The following KATNAL2 variants were observed in gnomAD, a reference collection of about 807,000 sequenced individuals.
The protein encoded by KATNAL2 is katanin catalytic subunit A1 like 2.
Under a neutral mutation model 76.3 loss-of-function variants are expected in KATNAL2, and 52 were observed. The observed-to-expected ratio is 0.68, with a 90% CI of 0.55 to 0.86. The LOEUF is 0.86. Ranked by LOEUF, KATNAL2 falls within the 40% of genes least tolerant of loss-of-function variation. The pLI, the probability that KATNAL2 is intolerant of heterozygous loss-of-function variation, is 0.00. For synonymous variants in KATNAL2, 243 were observed against 244.2 expected (o/e 1.00, Z 0.05); for missense variants, 660 against 668.9 (o/e 0.99, Z 0.15).
chr18:46,931,338 T>A (rs892326627), intron 1 of KATNAL2, among the ~76,000 whole-genome samples: 1 of 151,032 alleles, frequency 6.6e-6, no homozygotes, highest in African/African-American at 2.4e-5. Flanking sequence ...AAATAAAAAA[T>A]TTAAAATTAA....
chr18:47,075,335 A>T lies in KATNAL2; in HGVS notation c.1067A>T (p.Glu356Val). The T allele has an allele frequency of 6.4e-7, 1 of 1,557,576 alleles. No individual in the cohort carries two copies. Among genetic ancestry groups the T allele is most frequent in the Non-Finnish European group, 8.6e-7 (1 of 1,156,722 alleles). The change falls in exon 14 of 18, where the codon GAG becomes GTG. Residue 356 changes from glutamate (E) to valine (V), a missense_variant. Physicochemically the swap from Glu to Val is moderately radical, Grantham distance 121 (BLOSUM62 -2). Coordinates refer to ENST00000683218, the MANE Select transcript of KATNAL2 (RefSeq NM_001387690.1). ...TCCACGATCTTCCTGGACGAGCTGGAGTCGGTGATGAGTCAGAGAGGCACA... is the reference window on the plus strand; with the variant it reads ...TCCACGATCTTCCTGGACGAGCTGGTGTCGGTGATGAGTCAGAGAGGCACA... ...APSTIFLDELESVMSQRGTAS... is the reference protein window; with the variant it reads ...APSTIFLDELVSVMSQRGTAS...
Position 46,926,364 on chromosome 18 carries a change from G to C in KATNAL2, c.-510+8438G>C, listed in dbSNP as rs1465580837. Among the ~76,000 whole-genome samples, 9 of 152,090 alleles carry C rather than the reference G, an allele frequency of 5.9e-5. 1 individual carries two copies. Among genetic ancestry groups the C allele is most frequent in the Non-Finnish European group, 1.3e-4 (9 of 68,010 alleles). On this transcript the variant is annotated intron_variant, in intron 1 of 17. Transcript: ENST00000683218. ...TTTACCCAGTAGTCATTCAGGAGCA[G>C]GTTGTTCAGTTTCCTTGTAGTTGAG... is the stretch of plus-strand genomic sequence containing the variant.
intron 15 of KATNAL2, among the ~76,000 whole-genome samples, chr18:47,092,342 T>C (rs1449743680): frequency 1.3e-5 from 2 of 151,842 alleles, no homozygotes; most frequent in African/African-American, 4.8e-5. Context: ...CTACCAAAAA[T>C]ACAAAAAATA....
rs1311396448 is a variant in KATNAL2, at chr18:47,034,590, C to T, written c.52-11867C>T. On this transcript the variant is annotated intron_variant, in intron 3 of 17. Transcript: ENST00000683218. Reference sequence around the variant, plus strand: ...TTTCCTGGCGAGACGATTTGTGCCCCTTGCTGTGGCTCACAACGGCTTTCC... The same window carrying T: ...TTTCCTGGCGAGACGATTTGTGCCCTTTGCTGTGGCTCACAACGGCTTTCC... 2.5e-6 allele frequency: 4 copies of T among 1,614,188 alleles called. No individual in the cohort carries two copies. In the Admixed American group the frequency reaches 5.0e-5, roughly 20 times the overall value.
At chr18:47,068,032 G>A (rs757507060) in intron 11 of KATNAL2, among the ~76,000 whole-genome samples, 1 of 152,168 alleles carries the variant, frequency 6.6e-6, no homozygotes, top group Non-Finnish European at 1.5e-5. Context: ...CCAGAAAGAG[G>A]CAAGAAAGGG....
intron 15 of KATNAL2, among the ~76,000 whole-genome samples, chr18:47,092,575 T>G (rs1014966995): frequency 1.3e-5 from 2 of 152,164 alleles, no homozygotes; most frequent in Non-Finnish European, 2.9e-5. Flanking sequence ...TATAATTCAG[T>G]CACAACTGTT....
intron 1 of KATNAL2, among the ~76,000 whole-genome samples, chr18:46,930,113 T>C (rs2058859973): frequency 6.6e-6 from 1 of 152,164 alleles, no homozygotes; most frequent in Admixed American, 6.5e-5. Flanking sequence ...TATACAACTT[T>C]TCAGACTCTC....
intron 14 of KATNAL2, among the ~76,000 whole-genome samples, chr18:47,075,807 G>A (rs1434932792): frequency 6.6e-6 from 1 of 152,244 alleles, no homozygotes; most frequent in African/African-American, 2.4e-5. Context: ...TCGACGGTGT[G>A]TGAAGCCTGG....
Position 47,038,183 on chromosome 18 carries a change from A to T in KATNAL2, c.52-8274A>T, listed in dbSNP as rs76461501. Among the ~76,000 whole-genome samples the T allele has an allele frequency of 5.9e-5, 9 of 152,332 alleles. No homozygotes were observed. The East Asian group carries it at 1.7e-3, about 29-fold the overall frequency. On this transcript the variant is annotated intron_variant, in intron 3 of 17. Transcript: ENST00000683218. ...CCTGAGTAAGCCTGTCTTTTAGGCT[A>T]TTCTTTCAAAAGTATGATCAACATT...
At chr18:46,960,219 C>G (rs558091897) in intron 3 of KATNAL2, among the ~76,000 whole-genome samples, 33 of 152,226 alleles carry the variant, frequency 2.2e-4, no homozygotes, top group African/African-American at 7.9e-4. Context: ...GGTGGATCAC[C>G]TGAAGGTCAG....
At chr18:47,060,251 C>T (rs766801970) in intron 8 of KATNAL2, among the ~76,000 whole-genome samples, 1 of 152,116 alleles carries the variant, frequency 6.6e-6, no homozygotes, top group African/African-American at 2.4e-5. Context: ...CCTGTCTGGG[C>T]TTCCCAAAGC....
At chr18:46,955,323 T>G (rs1282552301) in intron 3 of KATNAL2, among the ~76,000 whole-genome samples, 5 of 151,278 alleles carry the variant, frequency 3.3e-5, no homozygotes, top group African/African-American at 1.2e-4. Flanking sequence ...TTCAAGTGAT[T>G]CTCCTGCCTC....
At chr18:46,950,933 C>G (rs2059534869) in intron 3 of KATNAL2, among the ~76,000 whole-genome samples, 1 of 152,194 alleles carries the variant, frequency 6.6e-6, no homozygotes. Context: ...ATCTGCCTGC[C>G]TCGGCCTCCC....
At chr18:47,074,252 C>T (rs935426517) in intron 13 of KATNAL2, among the ~76,000 whole-genome samples, 2 of 152,172 alleles carry the variant, frequency 1.3e-5, no homozygotes, top group African/African-American at 2.4e-5. Context: ...CTGGTGCATG[C>T]GCTTGAATGT....
At chr18:46,938,345 G>C (rs1226853240) in intron 1 of KATNAL2, among the ~76,000 whole-genome samples, 3 of 152,102 alleles carry the variant, frequency 2.0e-5, no homozygotes. Context: ...GGTACCTCTG[G>C]GGGATGGGAA....
rs1488389765 is a variant in KATNAL2 at position 47,048,148 on chromosome 18, T to C, written c.122+1621T>C. On this transcript the variant is annotated intron_variant, in intron 4 of 17. Coordinates refer to ENST00000683218, the MANE Select transcript of KATNAL2 (RefSeq NM_001387690.1). ...CATCTGACGCACAGGACAGCCCCCA[T>C]AACAAATAATTATCTGACTTTGAAT... Among the ~76,000 whole-genome samples the C allele has an allele frequency of 1.3e-5, 2 of 152,134 alleles. 1 individual carries two copies. The highest frequency in any genetic ancestry group is 3.8e-4 in the East Asian group (2 of 5,198).
In KATNAL2 at chr18:47,102,202, T is replaced by C. The variant is rs1032792297; in HGVS notation, c.*1197T>C. The C allele has an allele frequency of 3.3e-5, 5 of 152,234 alleles. No homozygotes were observed. The highest frequency in any genetic ancestry group is 6.5e-5 in the Admixed American group (1 of 15,280). The allele number at this position is 152,234 out of a possible 1,614,324, so 9.4% of individuals were successfully genotyped here. On this transcript the variant is annotated 3_prime_UTR_variant, in exon 18 of 18. Coordinates refer to ENST00000683218, the MANE Select transcript of KATNAL2 (RefSeq NM_001387690.1). ...CATGGAAAATGTCAAATTGAAAATA[T>C]ACCTTATTTAACAAATTGAAAATAA...
chr18:46,922,210 G>A (rs1475278747), intron 1 of KATNAL2, among the ~76,000 whole-genome samples: 1 of 149,464 alleles, frequency 6.7e-6, no homozygotes, highest in Non-Finnish European at 1.5e-5. Context: ...AGCAGTCTTC[G>A]TACCTCAGCC....
chr18:46,927,065 G>A (rs1028380991), intron 1 of KATNAL2, among the ~76,000 whole-genome samples: 1 of 152,130 alleles, frequency 6.6e-6, no homozygotes, highest in African/African-American at 2.4e-5. Flanking sequence ...CTTTTAATTG[G>A]AGCATTTAGC....
Sources: gnomAD v4.1 joint callset for allele counts (sites outside exome capture counted in the v4.1 genomes callset) on GRCh38, gnomAD v4.1.1 for gene constraint, MANE v1.5 for transcripts, NCBI Gene and HGNC (gene_info 2026-07-23, HGNC 2026-07-21) for gene names.